Variants in ILRUN observed in about 807,000 individuals in gnomAD.
ILRUN encodes the protein inflammation and lipid regulator with UBA-like and NBR1-like domains.
In ILRUN, 3 loss-of-function variants were observed where a neutral mutation model predicts 33.8. That is an observed-to-expected ratio of 0.09 (90% CI 0.04 to 0.23). ILRUN has a LOEUF of 0.23. Ranked by LOEUF, ILRUN falls within the 10% of genes least tolerant of loss-of-function variation. The pLI is 1.00. For synonymous variants in ILRUN, 124 were observed against 138.9 expected, an observed-to-expected ratio of 0.89 and a Z score of 0.75; for missense variants, 210 against 375.1, an observed-to-expected ratio of 0.56 and a Z score of 3.64.
intron 4 of ILRUN, among the ~76,000 whole-genome samples, chr6:34,596,603 C>T (rs1009666461): frequency 3.9e-5 from 6 of 152,202 alleles, no homozygotes; most frequent in South Asian, 4.2e-4. Flanking sequence ...TGTGAGCCAC[C>T]GCACTTGGCC....
At chr6:34,606,435 G>A (rs1761631234) in intron 4 of ILRUN, 120 bp downstream of exon 4, 2 of 708,954 alleles carry the variant, frequency 2.8e-6, no homozygotes, top group African/African-American at 1.8e-5. Flanking sequence ...CAGGAGAGCT[G>A]AGCAGTCTTA....
At position 34,645,370 on chromosome 6, in the gene ILRUN, TTTTTGTTTTG is replaced by T. The variant is rs1356217966; in HGVS notation, c.511+1221_511+1230del. 3.9e-5 allele frequency among the ~76,000 whole-genome samples: 6 copies of T among 152,120 alleles called. No individual in the cohort carries two copies. In the East Asian group the frequency reaches 1.2e-3, roughly 29 times the overall value. On this transcript the variant is annotated intron_variant, in intron 3 of 4. Coordinates refer to ENST00000374023, the MANE Select transcript of ILRUN (RefSeq NM_024294.4). Reference sequence around the variant, plus strand: ...CAATGAGAAGGATATAAGGTTGGTTTTTTTGTTTTGTTTTGTTTTTTTGAGACAGGCGCTC... The same window carrying T: ...CAATGAGAAGGATATAAGGTTGGTTTTTTTGTTTTTTTGAGACAGGCGCTC...
chr6:34,666,184 A>T (rs1205827698), intron 1 of ILRUN, among the ~76,000 whole-genome samples: 1 of 152,070 alleles, frequency 6.6e-6, no homozygotes, highest in African/African-American at 2.4e-5. Context: ...CTGACCCCCA[A>T]CTCTACTCAT....
Position 34,683,485 on chromosome 6 carries a change from T to C in ILRUN, c.158+12961A>G, listed in dbSNP as rs866617800. 3.0e-3 allele frequency among the ~76,000 whole-genome samples: 332 copies of C among 109,908 alleles called. 4 individuals are homozygous for C. Among genetic ancestry groups the C allele is most frequent in the Middle Eastern group, 4.6e-3 (1 of 218 alleles). The allele number at this position is 109,908 out of a possible 152,430, so 72.1% of individuals were successfully genotyped here. A position where few individuals can be genotyped will look rare whatever the true frequency, so the allele number is the denominator to read the frequency against. On this transcript the variant is annotated intron_variant, in intron 1 of 4. Transcript: ENST00000374023. ...ATACATATATATACACATATATATA[T>C]ACATATATATATACATATATATATA...
At chr6:34,594,168 T>C (rs1761349503) in intron 4 of ILRUN, among the ~76,000 whole-genome samples, 1 of 152,208 alleles carries the variant, frequency 6.6e-6, no homozygotes, top group African/African-American at 2.4e-5. Flanking sequence ...TTAGCTAACC[T>C]GGAATCAATG....
At chr6:34,631,502 AT>A in intron 3 of ILRUN, among the ~76,000 whole-genome samples, 1 of 152,066 alleles carries the variant, frequency 6.6e-6, no homozygotes, top group South Asian at 2.1e-4. Flanking sequence ...TAATTTTTGT[AT>A]TTTTTGATAT....
Position 34,611,454 on chromosome 6 carries a change from C to T in ILRUN, c.512-4550G>A, listed in dbSNP as rs142099000. The stretch of plus-strand genomic sequence containing the variant: ...TACTGCTGCAATGGGTCATCATGAA[C>T]AGCAAAATACAACTTCTACGTGGTA... On this transcript the variant is annotated intron_variant, in intron 3 of 4. Transcript: ENST00000374023. Among the ~76,000 whole-genome samples the T allele has an allele frequency of 4.0e-3, 608 of 152,272 alleles. 16 individuals are homozygous for T. The highest frequency in any genetic ancestry group is 0.034 in the East Asian group (177 of 5,190).
intron 3 of ILRUN, among the ~76,000 whole-genome samples, chr6:34,614,443 A>AAATAT (rs71000073): frequency 1.5e-5 from 2 of 133,598 alleles, no homozygotes; most frequent in African/African-American, 6.2e-5. Flanking sequence ...AAAAAAAAAA[A>AAATAT]ATATATATAT....
At chr6:34,680,764 T>TAGAAA (rs1034422572) in intron 1 of ILRUN, among the ~76,000 whole-genome samples, 2 of 152,046 alleles carry the variant, frequency 1.3e-5, no homozygotes, top group Non-Finnish European at 2.9e-5. Context: ...TATTTTTTTC[T>TAGAAA]ATTTTTTTTA....
At chr6:34,644,708 G>T (rs1485807389) in intron 3 of ILRUN, among the ~76,000 whole-genome samples, 1 of 152,094 alleles carries the variant, frequency 6.6e-6, no homozygotes, top group Non-Finnish European at 1.5e-5. Flanking sequence ...ACAAGCATGT[G>T]CATGATATTA....
chr6:34,684,181 G>A (rs1280216534), intron 1 of ILRUN, among the ~76,000 whole-genome samples: 8 of 151,924 alleles, frequency 5.3e-5, no homozygotes, highest in African/African-American at 1.5e-4. Context: ...CATTCTAGCA[G>A]GGCAATATTT....
chr6:34,683,025 AG>A (rs1336476601), intron 1 of ILRUN, among the ~76,000 whole-genome samples: 2 of 151,770 alleles, frequency 1.3e-5, no homozygotes, highest in Admixed American at 6.6e-5. Flanking sequence ...GCTATTTGGG[AG>A]GTTGAGATGG....
chr6:34,618,946 T>C (rs1344834709), intron 3 of ILRUN, among the ~76,000 whole-genome samples: 1 of 152,142 alleles, frequency 6.6e-6, no homozygotes, highest in Non-Finnish European at 1.5e-5. Flanking sequence ...GACGAGTGTT[T>C]CAAGAGGACA....
chr6:34,648,894 G>A (rs2127361326), intron 2 of ILRUN, among the ~76,000 whole-genome samples: 1 of 152,286 alleles, frequency 6.6e-6, no homozygotes, highest in East Asian at 1.9e-4. Context: ...GGTAAACCAA[G>A]ACTGCATGTG....
At chr6:34,605,046 C>T (rs192120076) in intron 4 of ILRUN, among the ~76,000 whole-genome samples, 4 of 152,182 alleles carry the variant, frequency 2.6e-5, no homozygotes, top group African/African-American at 9.6e-5. Context: ...GTGGCTCACG[C>T]CTGTAATCCC....
At chr6:34,696,337 GC>G (rs1763772607) in intron 1 of ILRUN, 108 bp downstream of exon 1, 2 of 1,174,222 alleles carry the variant, frequency 1.7e-6, no homozygotes, top group Admixed American at 5.4e-5. Flanking sequence ...GGAAGGGGTG[GC>G]CCTCAGTACC....
intron 1 of ILRUN, among the ~76,000 whole-genome samples, chr6:34,667,503 A>C (rs1396694828): frequency 6.6e-6 from 1 of 152,192 alleles, no homozygotes; most frequent in Admixed American, 6.5e-5. Flanking sequence ...AAGGATCATC[A>C]ATAGATACTA....
intron 3 of ILRUN, among the ~76,000 whole-genome samples, chr6:34,614,855 G>A (rs1327948963): frequency 2.6e-5 from 4 of 152,026 alleles, no homozygotes; most frequent in Non-Finnish European, 4.4e-5. Context: ...TCTAAACCCC[G>A]TAACATCAGT....
intron 4 of ILRUN, chr6:34,595,864 G>T: frequency 1.0e-6 from 1 of 985,468 alleles, no homozygotes; most frequent in Non-Finnish European, 1.2e-6. Context: ...ATAACACCAT[G>T]AGGACCCTCC....
Sources: gnomAD v4.1 joint callset for allele counts (sites outside exome capture counted in the v4.1 genomes callset) on GRCh38, gnomAD v4.1.1 for gene constraint, MANE v1.5 for transcripts, NCBI Gene and HGNC (gene_info 2026-07-23, HGNC 2026-07-21) for gene names.